Variants in MACROD2 observed in about 807,000 individuals in gnomAD.
MACROD2 encodes ADP-ribose glycohydrolase MACROD2.
MACROD2 carries 36 observed loss-of-function variants against 70.4 expected under a neutral mutation model. The observed-to-expected ratio is 0.51, with a 90% CI of 0.39 to 0.68. The LOEUF is 0.68. MACROD2 is among the 30% of genes least tolerant of loss of function. MACROD2 has a pLI of 0.00. For synonymous variants in MACROD2, 172 were observed against 178.8 expected, an observed-to-expected ratio of 0.96 and a Z score of 0.30; for missense variants, 496 against 538.4, an observed-to-expected ratio of 0.92 and a Z score of 0.78.
intron 3 of MACROD2, among the ~76,000 whole-genome samples, chr20:14,107,340 T>C (rs1299154472): frequency 6.6e-6 from 1 of 152,004 alleles, no homozygotes; most frequent in Admixed American, 6.6e-5. Flanking sequence ...GCTATTAAAA[T>C]ACACAGTCAG....
intron 3 of MACROD2, among the ~76,000 whole-genome samples, chr20:14,487,216 C>T (rs970636319): frequency 6.6e-6 from 1 of 152,186 alleles, no homozygotes; most frequent in African/African-American, 2.4e-5. Context: ...GGGAAGCTGA[C>T]ATTTACTGAC....
At chr20:14,287,184 A>C (rs188391841) in intron 3 of MACROD2, among the ~76,000 whole-genome samples, 1 of 152,302 alleles carries the variant, frequency 6.6e-6, no homozygotes, top group Admixed American at 6.5e-5. Context: ...AATTCTTAGA[A>C]TGGAGTGGCA....
intron 5 of MACROD2, among the ~76,000 whole-genome samples, chr20:14,759,901 A>G (rs2071991760): frequency 6.6e-6 from 1 of 152,084 alleles, no homozygotes; most frequent in Non-Finnish European, 1.5e-5. Flanking sequence ...AGGAGGATTA[A>G]GTTCCCTTTC....
chr20:15,929,948 G>C (rs1407258685), intron 10 of MACROD2, among the ~76,000 whole-genome samples: 2 of 152,164 alleles, frequency 1.3e-5, no homozygotes, highest in Non-Finnish European at 2.9e-5. Context: ...ATTCTCACAG[G>C]TTTCTGTGCT....
intron 3 of MACROD2, among the ~76,000 whole-genome samples, chr20:14,148,126 G>T (rs1317152157): frequency 6.6e-6 from 1 of 152,174 alleles, no homozygotes; most frequent in Non-Finnish European, 1.5e-5. Context: ...GAATTTCTTA[G>T]CTAAATTGAG....
At chr20:16,044,732 G>A in intron 17 of MACROD2, 93 bp downstream of exon 17, 2 of 1,148,124 alleles carry the variant, frequency 1.7e-6, no homozygotes, top group South Asian at 1.3e-5. Flanking sequence ...GTTTTGCCAA[G>A]TCCCCACAGC....
intron 5 of MACROD2, among the ~76,000 whole-genome samples, chr20:14,814,647 C>T (rs1052994524): frequency 2.0e-5 from 3 of 151,856 alleles, no homozygotes; most frequent in African/African-American, 7.3e-5. Context: ...ATTATTATAA[C>T]CATCATTTAT....
intron 1 of MACROD2, among the ~76,000 whole-genome samples, chr20:14,000,440 A>G (rs569532522): frequency 6.6e-5 from 10 of 152,270 alleles, no homozygotes; most frequent in South Asian, 2.1e-4. Flanking sequence ...TTTCTGTGAA[A>G]TAGTCTTTTA....
intron 8 of MACROD2, among the ~76,000 whole-genome samples, chr20:15,506,794 A>C (rs568144375): frequency 6.6e-6 from 1 of 152,200 alleles, no homozygotes; most frequent in Non-Finnish European, 1.5e-5. Context: ...CTCCAATTCT[A>C]TGCAATGCAG....
At chr20:14,325,760 CCTT>C (rs748559879) in intron 3 of MACROD2, 2 of 1,613,874 alleles carry the variant, frequency 1.2e-6, no homozygotes, top group Non-Finnish European at 1.7e-6. Context: ...ATAGAGTTGT[CCTT>C]CTTAGTGCCA....
At chr20:16,000,227 C>T (rs2066691273) in intron 15 of MACROD2, among the ~76,000 whole-genome samples, 2 of 152,176 alleles carry the variant, frequency 1.3e-5, no homozygotes. Context: ...TCATTTCATA[C>T]AATAACTCTC....
At chr20:14,365,281 A>T (rs1045407226) in intron 3 of MACROD2, among the ~76,000 whole-genome samples, 1 of 151,994 alleles carries the variant, frequency 6.6e-6, no homozygotes, top group African/African-American at 2.4e-5. Context: ...ATTCTCTTAT[A>T]ATCATTTTTA....
chr20:14,504,327 A>C (rs182845593), intron 4 of MACROD2, among the ~76,000 whole-genome samples: 4 of 152,330 alleles, frequency 2.6e-5, no homozygotes, highest in Admixed American at 6.5e-5. Context: ...AGATATTATT[A>C]TTCTTCTCAT....
chr20:15,954,698 A>T (rs1024572583), intron 12 of MACROD2, among the ~76,000 whole-genome samples: 1 of 152,210 alleles, frequency 6.6e-6, no homozygotes, highest in Non-Finnish European at 1.5e-5. Context: ...TAAAAAGAAA[A>T]TACAGTTCCT....
chr20:14,452,000 T>C (rs1338021326), intron 3 of MACROD2, among the ~76,000 whole-genome samples: 1 of 152,182 alleles, frequency 6.6e-6, no homozygotes, highest in African/African-American at 2.4e-5. Flanking sequence ...TCAGAAAGTT[T>C]AGTACCTCTT....
intron 3 of MACROD2, among the ~76,000 whole-genome samples, chr20:14,342,859 G>A (rs373431871): frequency 1.3e-5 from 2 of 151,980 alleles, no homozygotes; most frequent in East Asian, 1.9e-4. Flanking sequence ...AAATCAGAGT[G>A]GTTATTTCCC....
At chr20:16,016,957 C>T (rs139721991) in intron 15 of MACROD2, among the ~76,000 whole-genome samples, 3 of 152,246 alleles carry the variant, frequency 2.0e-5, no homozygotes, top group South Asian at 2.1e-4. Flanking sequence ...TTCACTTCTC[C>T]CATCTCCTCC....
intron 4 of MACROD2, among the ~76,000 whole-genome samples, chr20:14,650,176 G>C (rs1247065418): frequency 1.3e-5 from 2 of 152,140 alleles, no homozygotes; most frequent in Non-Finnish European, 2.9e-5. Context: ...CATGCTGATT[G>C]GTAGCATCTT....
At chr20:14,672,398 G>T (rs2070805861) in intron 4 of MACROD2, among the ~76,000 whole-genome samples, 1 of 152,160 alleles carries the variant, frequency 6.6e-6, no homozygotes, top group Admixed American at 6.5e-5. Context: ...ACGAGTACTG[G>T]CACAGAGTCA....
Sources: gnomAD v4.1 joint callset for allele counts (sites outside exome capture counted in the v4.1 genomes callset) on GRCh38, gnomAD v4.1.1 for gene constraint, MANE v1.5 for transcripts, NCBI Gene and HGNC (gene_info 2026-07-23, HGNC 2026-07-21) for gene names.